Variants in CACNA1A observed in about 807,000 individuals in gnomAD.
CACNA1A encodes calcium voltage-gated channel subunit alpha1 A.
In CACNA1A, 57 loss-of-function variants were observed where a neutral mutation model predicts 262.4. That is an observed-to-expected ratio of 0.22 (90% CI 0.18 to 0.27). CACNA1A has a LOEUF of 0.27. CACNA1A is among the 10% of genes least tolerant of loss of function. The probability of loss-of-function intolerance (pLI) is 1.00; values close to 1 mark genes in which losing one functional copy is unlikely to be tolerated. For synonymous variants in CACNA1A, 1,431 were observed against 1,419.3 expected (o/e 1.01, Z -0.18); for missense variants, 2,526 against 3,562.8 (o/e 0.71, Z 7.41).
rs757223826 is a variant in CACNA1A at position 13,212,177 on chromosome 19, C to T, written c.6229G>A (p.Asp2077Asn). Residue 2077 changes from aspartate (D) to asparagine (N), a missense_variant, in exon 43 of 47, where the codon GAC becomes AAC. Physicochemically the swap from Asp to Asn is conservative, Grantham distance 23. Transcript: ENST00000360228. This position sits in a 1 kb window ranked among gnomAD's most constrained non-coding sequence, Gnocchi z 5.6. ...TCCATGGGGAGGTAGTGCTCGCTGT[C>T]GGAGTAGCCATCTCTGCCCATCTCT... ...MREMGRDGYS[D>N]SEHYLPMEGQ... The T allele has an allele frequency of 9.9e-6, 16 of 1,613,770 alleles. No homozygotes were observed. Among genetic ancestry groups the T allele is most frequent in the Admixed American group, 5.0e-5 (3 of 60,002 alleles).
At position 13,365,429 on chromosome 19, in the gene CACNA1A, G is replaced by A. The variant is rs771429351; in HGVS notation, c.672C>T (p.Ile224=). The change falls in exon 5 of 47, where the codon ATC becomes ATT. Residue 224 remains isoleucine, a synonymous_variant. Coordinates refer to ENST00000360228, the MANE Select transcript of CACNA1A (RefSeq NM_001127222.2). ...VVLKSIMKAM[I]PLLQIGLLLF... Reference sequence around the variant, plus strand: ...GGAGGAGGCCGATCTGCAGCAAAGGGATCATCGCCTTCATGATCGACTTCA... The same window carrying A: ...GGAGGAGGCCGATCTGCAGCAAAGGAATCATCGCCTTCATGATCGACTTCA... 3 of 1,613,806 alleles carry A rather than the reference G, an allele frequency of 1.9e-6. No homozygotes were observed. Among genetic ancestry groups the A allele is most frequent in the Non-Finnish European group, 2.5e-6 (3 of 1,179,794 alleles).
At chr19:13,295,683 C>T (rs1003265467) in intron 19 of CACNA1A, among the ~76,000 whole-genome samples, 5 of 151,976 alleles carry the variant, frequency 3.3e-5, no homozygotes, top group African/African-American at 9.6e-5. Context: ...TTGTAGAGAT[C>T]GAGGTCTCCT....
intron 30 of CACNA1A, among the ~76,000 whole-genome samples, chr19:13,250,228 T>G (rs1346879549): frequency 3.3e-5 from 5 of 150,926 alleles, no homozygotes; most frequent in Non-Finnish European, 7.4e-5. Flanking sequence ...CCTGGCTAAT[T>G]TTTGTATTTT....
At chr19:13,252,768 A>T (rs2056437070) in intron 30 of CACNA1A, 2 of 359,336 alleles carry the variant, frequency 5.6e-6, no homozygotes, top group Admixed American at 4.4e-5. Flanking sequence ...GAGGAACTGG[A>T]TACATAAGCA....
At chr19:13,390,657 ATTTT>A (rs931203393) in intron 3 of CACNA1A, among the ~76,000 whole-genome samples, 1 of 150,102 alleles carries the variant, frequency 6.7e-6, no homozygotes, top group South Asian at 2.1e-4. Flanking sequence ...CCCCTGATCA[ATTTT>A]TTTTTTATGA....
At chr19:13,460,922 T>C (rs920030979) in intron 1 of CACNA1A, among the ~76,000 whole-genome samples, 4 of 152,162 alleles carry the variant, frequency 2.6e-5, no homozygotes, top group Admixed American at 1.3e-4. Flanking sequence ...CTTCTTTATC[T>C]TGTTCCCTGT....
intron 3 of CACNA1A, among the ~76,000 whole-genome samples, chr19:13,446,761 T>A (rs78590202): frequency 9.7e-6 from 1 of 103,146 alleles, no homozygotes; most frequent in Non-Finnish European, 1.8e-5. Context: ...CCAGCTGGGA[T>A]TTTTTTTTTT....
chr19:13,432,612 G>C (rs1456843527), intron 3 of CACNA1A, among the ~76,000 whole-genome samples: 1 of 151,172 alleles, frequency 6.6e-6, no homozygotes, highest in Non-Finnish European at 1.5e-5. Context: ...TGCACAGCAT[G>C]GTGACCACAA....
In CACNA1A at chr19:13,241,521, C is replaced by T; in HGVS notation, c.4950+3661G>A. 4 of 1,215,268 alleles carry T rather than the reference C, an allele frequency of 3.3e-6. No homozygotes were observed. The highest frequency in any genetic ancestry group is 1.3e-5 in the South Asian group (1 of 79,724). 75.3% of individuals were successfully genotyped at this position (1,215,268 alleles called of 1,614,324 possible). A position where few individuals can be genotyped will look rare whatever the true frequency, so the allele number is the denominator to read the frequency against. ...GACTTCAGAAAGAAGTAAGACCAACCGGATTCTAGATGCAGATGTTGAAGA... is the reference window on the plus strand; with the variant it reads ...GACTTCAGAAAGAAGTAAGACCAACTGGATTCTAGATGCAGATGTTGAAGA... On this transcript the variant is annotated intron_variant, in intron 31 of 46. Transcript: ENST00000360228. This position sits in a 1 kb window ranked among gnomAD's most constrained non-coding sequence, Gnocchi z 4.0.
At chr19:13,234,350 CAAAAAAAAAAAAA>C (rs71168693) in intron 34 of CACNA1A, among the ~76,000 whole-genome samples, 1 of 71,240 alleles carries the variant, frequency 1.4e-5, no homozygotes, top group East Asian at 6.8e-4. Context: ...ACTCCATCTC[CAAAAAAAAAAAAA>C]AAAAAAAAAA....
intron 3 of CACNA1A, among the ~76,000 whole-genome samples, chr19:13,416,033 C>T (rs1216222924): frequency 6.6e-6 from 1 of 152,116 alleles, no homozygotes; most frequent in Admixed American, 6.6e-5. Flanking sequence ...AATATGATAG[C>T]CACCACCCAC....
At chr19:13,368,706 A>G (rs2059261589) in intron 4 of CACNA1A, among the ~76,000 whole-genome samples, 1 of 152,174 alleles carries the variant, frequency 6.6e-6, no homozygotes, top group Non-Finnish European at 1.5e-5. Flanking sequence ...CTGTCAGGAT[A>G]GCTCGAGGGG....
At chr19:13,275,746 C>T in intron 24 of CACNA1A, 104 bp downstream of exon 24, 1 of 798,448 alleles carries the variant, frequency 1.3e-6, no homozygotes, top group Non-Finnish European at 2.1e-6. Flanking sequence ...GGAGCCCACA[C>T]ACCCCATCCC....
chr19:13,413,686 C>T (rs1260293843), intron 3 of CACNA1A, among the ~76,000 whole-genome samples: 3 of 148,220 alleles, frequency 2.0e-5, no homozygotes, highest in Non-Finnish European at 4.4e-5. Context: ...CAAGACCAGC[C>T]CGGCCAACAT....
chr19:13,209,144 G>A (rs142895930), intron 45 of CACNA1A, 135 bp from the exon 46 acceptor site: 15,048 of 1,382,120 alleles, frequency 0.011, 111 homozygotes, highest in Non-Finnish European at 0.013. Flanking sequence ...AGTGGGTTGG[G>A]GGGAGGGGGT....
At chr19:13,288,136 C>T (rs1237424832) in intron 19 of CACNA1A, among the ~76,000 whole-genome samples, 2 of 152,178 alleles carry the variant, frequency 1.3e-5, no homozygotes, top group African/African-American at 2.4e-5. Flanking sequence ...GCTGAGTTTT[C>T]ACTGCCTAGT....
chr19:13,343,163 C>G (rs774953231), intron 6 of CACNA1A, among the ~76,000 whole-genome samples: 1 of 151,350 alleles, frequency 6.6e-6, no homozygotes, highest in Non-Finnish European at 1.5e-5. Context: ...GCTCTGTTGC[C>G]CAGGCTGGAG....
chr19:13,322,350 C>G (rs1276849257), intron 10 of CACNA1A, among the ~76,000 whole-genome samples: 3 of 152,060 alleles, frequency 2.0e-5, no homozygotes, highest in Non-Finnish European at 4.4e-5. Flanking sequence ...TACCATGGAA[C>G]AGATTCTCCC....
chr19:13,279,684 C>G (rs890838775), intron 22 of CACNA1A, among the ~76,000 whole-genome samples: 3 of 152,130 alleles, frequency 2.0e-5, no homozygotes, highest in Non-Finnish European at 4.4e-5. Context: ...CAGGTTTTAC[C>G]ATATTGGCCA....
Sources: allele counts gnomAD v4.1 joint callset (sites outside exome capture counted in the v4.1 genomes callset), GRCh38; gene constraint gnomAD v4.1.1; non-coding constraint Gnocchi (gnomAD v3.1); transcripts MANE v1.5; gene names NCBI Gene and HGNC (gene_info 2026-07-23, HGNC 2026-07-21).